Variants in NRG3 observed in about 807,000 individuals in gnomAD.
NRG3 encodes the protein pro-neuregulin-3, membrane-bound isoform.
NRG3 carries 31 observed loss-of-function variants against 66.9 expected under a neutral mutation model. The observed-to-expected ratio is 0.46, with a 90% CI of 0.35 to 0.63. The LOEUF (loss-of-function observed/expected upper bound fraction) is 0.63. NRG3 is among the 20% of genes least tolerant of loss of function. The pLI, the probability that NRG3 is intolerant of heterozygous loss-of-function variation, is 0.00. For missense variants in NRG3, 910 were observed against 878.9 expected (o/e 1.04, Z -0.45); for synonymous variants, 393 against 359.4 (o/e 1.09, Z -1.06).
intron 3 of NRG3, among the ~76,000 whole-genome samples, chr10:82,771,270 T>C (rs1277685651): frequency 6.6e-6 from 1 of 152,152 alleles, no homozygotes. Flanking sequence ...ACTTCAATGA[T>C]CTAATCGAGT....
chr10:82,656,907 T>C (rs1466026952), intron 2 of NRG3, among the ~76,000 whole-genome samples: 2 of 152,162 alleles, frequency 1.3e-5, no homozygotes, highest in Non-Finnish European at 2.9e-5. Context: ...TGCCCCCACC[T>C]TGCCAACCTA....
chr10:82,627,308 C>T (rs2049499511), intron 2 of NRG3, among the ~76,000 whole-genome samples: 1 of 152,108 alleles, frequency 6.6e-6, no homozygotes, highest in Non-Finnish European at 1.5e-5. Flanking sequence ...TCTTTTGCAT[C>T]CTCCATGCCC....
At chr10:82,421,319 G>A (rs986681070) in intron 2 of NRG3, among the ~76,000 whole-genome samples, 7 of 152,022 alleles carry the variant, frequency 4.6e-5, no homozygotes, top group East Asian at 1.9e-4. Flanking sequence ...AACATCTTGG[G>A]AGATAATGAG....
intron 2 of NRG3, among the ~76,000 whole-genome samples, chr10:82,713,762 T>C (rs2056812132): frequency 1.3e-5 from 2 of 152,350 alleles, no homozygotes; most frequent in Middle Eastern, 3.4e-3. Flanking sequence ...TCGTCTAATG[T>C]TAAACCCAAG....
intron 1 of NRG3, among the ~76,000 whole-genome samples, chr10:82,026,057 G>A (rs746717718): frequency 1.4e-4 from 22 of 152,006 alleles, no homozygotes; most frequent in Admixed American, 1.1e-3. Flanking sequence ...CCTTATAAGA[G>A]GAAGAAGATA....
At chr10:82,692,390 C>A (rs2055009651) in intron 2 of NRG3, among the ~76,000 whole-genome samples, 1 of 152,072 alleles carries the variant, frequency 6.6e-6, no homozygotes, top group African/African-American at 2.4e-5. Flanking sequence ...TAGTTCAGCA[C>A]TTTTTCAATG....
At chr10:82,980,579 C>A (rs1177951116) in intron 8 of NRG3, among the ~76,000 whole-genome samples, 1 of 152,158 alleles carries the variant, frequency 6.6e-6, no homozygotes, top group Non-Finnish European at 1.5e-5. Flanking sequence ...CAGAGCCTCA[C>A]GTTTCTCTTT....
At chr10:82,060,616 T>G (rs1362267315) in intron 1 of NRG3, among the ~76,000 whole-genome samples, 1 of 152,242 alleles carries the variant, frequency 6.6e-6, no homozygotes, top group African/African-American at 2.4e-5. Flanking sequence ...TTTAGCCTTG[T>G]GAATATTTAT....
At chr10:82,187,961 A>G (rs1433076134) in intron 1 of NRG3, among the ~76,000 whole-genome samples, 1 of 151,470 alleles carries the variant, frequency 6.6e-6, no homozygotes, top group African/African-American at 2.4e-5. Context: ...AGAAATAGAA[A>G]AAAAAAAACG....
intron 1 of NRG3, among the ~76,000 whole-genome samples, chr10:82,165,134 T>C (rs2071939694): frequency 6.6e-6 from 1 of 152,160 alleles, no homozygotes; most frequent in Non-Finnish European, 1.5e-5. Flanking sequence ...TAATCAGTTC[T>C]CTACAACTGG....
chr10:82,497,101 A>G (rs1177457934), intron 2 of NRG3, among the ~76,000 whole-genome samples: 3 of 152,172 alleles, frequency 2.0e-5, no homozygotes, highest in African/African-American at 7.2e-5. Context: ...TCTGTTGAGT[A>G]TATATCCTAT....
At chr10:82,570,849 C>A (rs1418266403) in intron 2 of NRG3, among the ~76,000 whole-genome samples, 1 of 151,670 alleles carries the variant, frequency 6.6e-6, no homozygotes, top group Non-Finnish European at 1.5e-5. Context: ...AAGATTATAA[C>A]TGTCTTTCAT....
intron 1 of NRG3, among the ~76,000 whole-genome samples, chr10:81,989,590 C>T (rs777795673): frequency 2.4e-4 from 36 of 152,040 alleles, no homozygotes; most frequent in Non-Finnish European, 4.7e-4. Flanking sequence ...TTTTATGGTT[C>T]ATTTATAAAG....
chr10:82,422,370 G>A (rs1382553737), intron 2 of NRG3, among the ~76,000 whole-genome samples: 2 of 151,982 alleles, frequency 1.3e-5, no homozygotes, highest in Non-Finnish European at 2.9e-5. Flanking sequence ...TATGCACAAT[G>A]ACCTTTCAAG....
intron 4 of NRG3, among the ~76,000 whole-genome samples, chr10:82,911,144 C>A (rs1305802719): frequency 6.6e-6 from 1 of 152,098 alleles, no homozygotes; most frequent in African/African-American, 2.4e-5. Flanking sequence ...TGAGAGAAAT[C>A]AAAGAATATT....
At chr10:82,805,520 G>A (rs1446905633) in intron 3 of NRG3, among the ~76,000 whole-genome samples, 2 of 152,016 alleles carry the variant, frequency 1.3e-5, no homozygotes, top group Non-Finnish European at 2.9e-5. Flanking sequence ...TCCAGACCCT[G>A]TTTAAATCTT....
chr10:82,188,325 T>C (rs1343682306), intron 1 of NRG3, among the ~76,000 whole-genome samples: 1 of 152,108 alleles, frequency 6.6e-6, no homozygotes, highest in African/African-American at 2.4e-5. Context: ...GATTAAAAAG[T>C]TAAACCTAAG....
chr10:82,574,263 T>G (rs1009248507), intron 2 of NRG3, among the ~76,000 whole-genome samples: 5 of 151,790 alleles, frequency 3.3e-5, no homozygotes, highest in Admixed American at 2.0e-4. Flanking sequence ...GGTCATATAA[T>G]GTCAAGTGAA....
At chr10:82,846,347 G>C (rs182324178) in intron 3 of NRG3, among the ~76,000 whole-genome samples, 11 of 152,300 alleles carry the variant, frequency 7.2e-5, no homozygotes, top group Admixed American at 5.2e-4. Context: ...GCAATGCTTA[G>C]AGGATATTTA....
Sources: allele counts gnomAD v4.1 joint callset (sites outside exome capture counted in the v4.1 genomes callset), GRCh38; gene constraint gnomAD v4.1.1; transcripts MANE v1.5; gene names NCBI Gene and HGNC (gene_info 2026-07-23, HGNC 2026-07-21).